The following CHIC1 variants were observed in gnomAD, a reference collection of about 807,000 sequenced individuals.
CHIC1 encodes the protein cysteine rich hydrophobic domain 1, also known as cysteine-rich hydrophobic domain-containing protein 1.
A neutral mutation model predicts 18.5 loss-of-function variants in CHIC1; 7 were observed. The observed-to-expected ratio is 0.38, with a 90% confidence interval of 0.22 to 0.71. CHIC1 has a LOEUF of 0.71. Among genes scored for constraint, CHIC1 ranks in the 30% least tolerant of loss-of-function variants. CHIC1 has a pLI of 0.49. For missense variants in CHIC1, 159 were observed against 176.9 expected (o/e 0.90, Z 0.57); for synonymous variants, 77 against 73.5 (o/e 1.05, Z -0.25).
chrX:73,610,911 A>T, intron 3 of CHIC1, among the ~76,000 whole-genome samples: 1 of 103,754 alleles, frequency 9.6e-6, no homozygotes, highest in African/African-American at 3.8e-5. Context: ...TTTGTTATCA[A>T]TTGTAATGTC....
chrX:73,667,280 C>G (rs1158813117), intron 3 of CHIC1, among the ~76,000 whole-genome samples: 1 of 111,486 alleles, frequency 9.0e-6, no homozygotes, highest in African/African-American at 3.3e-5. Context: ...GACACCATAC[C>G]AATATGTCTT....
intron 3 of CHIC1, among the ~76,000 whole-genome samples, chrX:73,645,918 A>G (rs1309065324): frequency 3.6e-5 from 4 of 111,300 alleles, no homozygotes; most frequent in African/African-American, 1.3e-4. Flanking sequence ...CTGTTCATTT[A>G]TTTCTGCTTT....
At position 73,665,648 on chromosome X, in the gene CHIC1, C is replaced by A. The variant is rs1039811127; in HGVS notation, c.508-13678C>A. ...CAGTGACTTACTGACTGTGCAGTCTCTTCATCTTCGTTTTCAAGGGTTCCA... is the reference window on the plus strand; with the variant it reads ...CAGTGACTTACTGACTGTGCAGTCTATTCATCTTCGTTTTCAAGGGTTCCA... On this transcript the variant is annotated intron_variant, in intron 3 of 5. Transcript: ENST00000373502. 9.9e-5 allele frequency among the ~76,000 whole-genome samples: 11 copies of A among 111,419 alleles called. No individual in the cohort carries two copies. The Admixed American group carries it at 1.1e-3, about 11-fold the overall frequency.
chrX:73,594,900 C>T (rs1003940339), intron 3 of CHIC1, among the ~76,000 whole-genome samples: 13 of 111,781 alleles, frequency 1.2e-4, no homozygotes, highest in Admixed American at 4.8e-4. Context: ...ATAAAGTCTT[C>T]GCTGTTAATC....
intron 3 of CHIC1, among the ~76,000 whole-genome samples, chrX:73,656,529 G>C (rs1357950870): frequency 8.9e-6 from 1 of 111,844 alleles, no homozygotes; most frequent in Non-Finnish European, 1.9e-5. Context: ...TGGCTAGCCA[G>C]TTCTCCCAGC....
chrX:73,600,707 T>G (rs1425844760), intron 3 of CHIC1, among the ~76,000 whole-genome samples: 2 of 107,462 alleles, frequency 1.9e-5, no homozygotes, highest in Non-Finnish European at 3.8e-5. Flanking sequence ...GTCGATAAGC[T>G]TTTTGATGTG....
At chrX:73,639,698 G>C (rs1461563560) in intron 3 of CHIC1, among the ~76,000 whole-genome samples, 1 of 111,347 alleles carries the variant, frequency 9.0e-6, no homozygotes, top group African/African-American at 3.3e-5. Flanking sequence ...ATATGATGTA[G>C]GAAAGTGGTC....
At chrX:73,585,300 T>TAAA (rs2057547587) in intron 3 of CHIC1, among the ~76,000 whole-genome samples, 1 of 111,397 alleles carries the variant, frequency 9.0e-6, no homozygotes, top group Non-Finnish European at 1.9e-5. Flanking sequence ...CCAAAAATAT[T>TAAA]CCCAAGAAGT....
chrX:73,672,221 A>G (rs1026845490), intron 3 of CHIC1, among the ~76,000 whole-genome samples: 20 of 112,059 alleles, frequency 1.8e-4, no homozygotes, highest in African/African-American at 6.2e-4. Flanking sequence ...TAGTGCCACT[A>G]TAAACATACG....
At chrX:73,680,923 T>A (rs2058095888) in intron 5 of CHIC1, 32 bp from the exon 6 acceptor site, 2 of 781,969 alleles carry the variant, frequency 2.6e-6, no homozygotes, top group Non-Finnish European at 3.7e-6. Flanking sequence ...TGAAAAATAT[T>A]TTGTAAATAT....
At chrX:73,598,128 A>G (rs1433297253) in intron 3 of CHIC1, among the ~76,000 whole-genome samples, 4 of 111,103 alleles carry the variant, frequency 3.6e-5, no homozygotes, top group Middle Eastern at 4.6e-3. Context: ...ACCATTGGGT[A>G]TATGCCCAGT....
chrX:73,682,346 A>G lies in CHIC1; in HGVS notation c.*1341A>G, dbSNP rs753923512. ...AACTAGAATTTGAAAATTCAGTATA[A>G]TGAAAGCTTTATATCACATTAATTC... On this transcript the variant is annotated 3_prime_UTR_variant, in exon 6 of 6. Transcript: ENST00000373502. 6 of 112,036 alleles carry G rather than the reference A, an allele frequency of 5.4e-5. No individual in the cohort carries two copies. The South Asian group carries it at 2.2e-3, about 41-fold the overall frequency. The allele number at this position is 112,036 out of a possible 1,213,427, so 9.2% of individuals were successfully genotyped here.
intron 3 of CHIC1, among the ~76,000 whole-genome samples, chrX:73,675,602 C>T: frequency 9.0e-6 from 1 of 111,501 alleles, no homozygotes; most frequent in Non-Finnish European, 1.9e-5. Flanking sequence ...TCCTCCATCC[C>T]TTTATTTTGA....
At chrX:73,598,101 A>G (rs2057620207) in intron 3 of CHIC1, among the ~76,000 whole-genome samples, 1 of 111,276 alleles carries the variant, frequency 9.0e-6, no homozygotes, top group African/African-American at 3.3e-5. Flanking sequence ...GTGTCTTTAT[A>G]GGAGAATGAT....
At chrX:73,599,515 T>G (rs1223494364) in intron 3 of CHIC1, among the ~76,000 whole-genome samples, 1 of 103,071 alleles carries the variant, frequency 9.7e-6, no homozygotes, top group Non-Finnish European at 1.9e-5. Flanking sequence ...TTGTATAAGG[T>G]GTAAGGAAGG....
At chrX:73,619,671 T>TAA (rs1285575433) in intron 3 of CHIC1, among the ~76,000 whole-genome samples, 1 of 111,921 alleles carries the variant, frequency 8.9e-6, no homozygotes, top group Non-Finnish European at 1.9e-5. Flanking sequence ...AGAAAACTAA[T>TAA]AAAAACTCTA....
chrX:73,599,967 AT>A (rs1327794701), intron 3 of CHIC1, among the ~76,000 whole-genome samples: 1 of 97,169 alleles, frequency 1.0e-5, no homozygotes, highest in African/African-American at 4.6e-5. Context: ...ACCCATGAGC[AT>A]GGAATGTTCT....
chrX:73,643,895 G>A (rs761870391), intron 3 of CHIC1, among the ~76,000 whole-genome samples: 13 of 112,161 alleles, frequency 1.2e-4, no homozygotes, highest in African/African-American at 2.9e-4. Flanking sequence ...GTCCATCTTT[G>A]TTCCGTTGCT....
At chrX:73,624,910 C>T (rs919531639) in intron 3 of CHIC1, among the ~76,000 whole-genome samples, 5 of 112,091 alleles carry the variant, frequency 4.5e-5, no homozygotes, top group African/African-American at 1.6e-4. Flanking sequence ...TTAATCAAAA[C>T]TTTACAGAGG....
Sources: allele counts gnomAD v4.1 joint callset (sites outside exome capture counted in the v4.1 genomes callset), GRCh38; gene constraint gnomAD v4.1.1; transcripts MANE v1.5; gene names NCBI Gene and HGNC (gene_info 2026-07-23, HGNC 2026-07-21).